DENND1A: variants seen among roughly 807,000 people sequenced by gnomAD.
DENND1A encodes the protein DENN domain-containing protein 1A.
DENND1A carries 51 observed loss-of-function variants against 113.7 expected under a neutral mutation model. That is an observed-to-expected ratio of 0.45 (90% CI 0.36 to 0.57). The LOEUF is 0.57. Among genes scored for constraint, DENND1A ranks in the 20% least tolerant of loss-of-function variants. The probability of loss-of-function intolerance (pLI) is 0.00; values close to 1 mark genes in which losing one functional copy is unlikely to be tolerated. For synonymous variants in DENND1A, 565 were observed against 570.8 expected (o/e 0.99, Z 0.14); for missense variants, 1,258 against 1,395.9 (o/e 0.90, Z 1.57).
chr9:123,632,578 C>T (rs991728992), intron 9 of DENND1A, among the ~76,000 whole-genome samples: 1 of 152,060 alleles, frequency 6.6e-6, no homozygotes, highest in Non-Finnish European at 1.5e-5. Flanking sequence ...TGCCAGAGCG[C>T]TCCTCCTCAA....
At chr9:123,906,310 G>C (rs2133965638) in intron 1 of DENND1A, among the ~76,000 whole-genome samples, 1 of 135,314 alleles carries the variant, frequency 7.4e-6, no homozygotes, top group South Asian at 2.2e-4. Flanking sequence ...AGAAAAGCAA[G>C]AGCAAACACA....
intron 1 of DENND1A, among the ~76,000 whole-genome samples, chr9:123,910,075 C>T (rs867146336): frequency 1.2e-4 from 18 of 152,050 alleles, no homozygotes; most frequent in African/African-American, 3.9e-4. Context: ...CTAGAAGACT[C>T]AATATTGTTA....
intron 12 of DENND1A, among the ~76,000 whole-genome samples, chr9:123,581,052 C>T (rs969038046): frequency 9.2e-5 from 14 of 151,926 alleles, no homozygotes; most frequent in African/African-American, 3.1e-4. Context: ...GAATGACATC[C>T]TAAACGCAGA....
chr9:123,647,621 T>C (rs1343258238), intron 9 of DENND1A, among the ~76,000 whole-genome samples: 6 of 152,248 alleles, frequency 3.9e-5, no homozygotes, highest in African/African-American at 1.2e-4. Context: ...AGATACCATT[T>C]AGTTTTTCTA....
intron 1 of DENND1A, among the ~76,000 whole-genome samples, chr9:123,891,922 C>T (rs1359836500): frequency 2.6e-5 from 4 of 152,160 alleles, no homozygotes; most frequent in African/African-American, 7.2e-5. Context: ...CAGCTCACCA[C>T]TTTGAGAGTT....
At chr9:123,531,515 A>G (rs2055295129) in intron 13 of DENND1A, among the ~76,000 whole-genome samples, 1 of 150,842 alleles carries the variant, frequency 6.6e-6, no homozygotes, top group Non-Finnish European at 1.5e-5. Flanking sequence ...TTAACAGTTT[A>G]CCACATTGGC....
At position 123,621,108 on chromosome 9, in the gene DENND1A, T is replaced by C. The variant is rs2060937750; in HGVS notation, c.719+9268A>G. On this transcript the variant is annotated intron_variant, in intron 10 of 23. Coordinates refer to ENST00000394215, the MANE Select transcript of DENND1A (RefSeq NM_001352964.2). ...CATAAGAGAATTTTGGCCACAACTA[T>C]CCATCTAATCCACTTCCATTCTGTG... 2.6e-5 allele frequency among the ~76,000 whole-genome samples: 4 copies of C among 151,876 alleles called. No individual in the cohort carries two copies. In the South Asian group the frequency reaches 8.3e-4, roughly 32 times the overall value.
At chr9:123,465,626 T>G (rs575113519) in intron 13 of DENND1A, among the ~76,000 whole-genome samples, 48 of 152,312 alleles carry the variant, frequency 3.2e-4, no homozygotes, top group African/African-American at 1.1e-3. Context: ...GGGTGGAGAT[T>G]GGGTCTTACC....
rs2071324189 is a variant in DENND1A at position 123,764,737 on chromosome 9, C to T, written c.182+4777G>A. On this transcript the variant is annotated intron_variant, in intron 4 of 23. Transcript: ENST00000394215. The surrounding 1 kb of genome is among the most constrained non-coding windows in gnomAD (Gnocchi z 4.1). ...AAAGTATCAAAAGCAGAAGGAACAG[C>T]AGAGATTGATGGAATCCAATTCCCT... is the stretch of plus-strand genomic sequence containing the variant. 6.6e-6 allele frequency among the ~76,000 whole-genome samples: 1 copy of T among 152,196 alleles called. No individual in the cohort carries two copies. Among genetic ancestry groups the T allele is most frequent in the Non-Finnish European group, 1.5e-5 (1 of 68,040 alleles).
intron 10 of DENND1A, among the ~76,000 whole-genome samples, chr9:123,626,699 GA>G (rs2061234537): frequency 6.6e-6 from 1 of 152,192 alleles, no homozygotes; most frequent in Non-Finnish European, 1.5e-5. Context: ...ATGGCAGTGA[GA>G]AGAAACCAAG....
At chr9:123,515,269 C>T (rs2134724312) in intron 13 of DENND1A, among the ~76,000 whole-genome samples, 1 of 152,314 alleles carries the variant, frequency 6.6e-6, no homozygotes, top group South Asian at 2.1e-4. Context: ...GCAAAAGTAA[C>T]TGCGATTTTT....
intron 13 of DENND1A, among the ~76,000 whole-genome samples, chr9:123,528,901 G>A (rs544561018): frequency 6.6e-6 from 1 of 152,258 alleles, no homozygotes; most frequent in South Asian, 2.1e-4. Flanking sequence ...TGAAGTAACT[G>A]TTTGCTTTCT....
intron 10 of DENND1A, among the ~76,000 whole-genome samples, chr9:123,611,121 T>C (rs1014358559): frequency 4.6e-5 from 7 of 152,362 alleles, no homozygotes; most frequent in African/African-American, 1.7e-4. Context: ...TATTTGATAA[T>C]AGCTAAAGAA....
chr9:123,563,333 C>T (rs758717948), intron 12 of DENND1A, among the ~76,000 whole-genome samples: 1 of 152,182 alleles, frequency 6.6e-6, no homozygotes, highest in Non-Finnish European at 1.5e-5. Context: ...CTCTCAGGTC[C>T]CCTGGCTTCA....
chr9:123,820,737 T>C (rs1462103004), intron 2 of DENND1A, among the ~76,000 whole-genome samples: 3 of 152,260 alleles, frequency 2.0e-5, no homozygotes, highest in African/African-American at 7.2e-5. Context: ...TCATCTTTTG[T>C]AGGATTAAAG....
At chr9:123,899,619 A>G (rs1408776751) in intron 1 of DENND1A, among the ~76,000 whole-genome samples, 1 of 152,256 alleles carries the variant, frequency 6.6e-6, no homozygotes, top group African/African-American at 2.4e-5. Flanking sequence ...TGTAAAGTTT[A>G]ATATATAAAT....
intron 6 of DENND1A, among the ~76,000 whole-genome samples, chr9:123,675,267 G>A (rs551010827): frequency 1.3e-5 from 2 of 152,124 alleles, no homozygotes; most frequent in Non-Finnish European, 2.9e-5. Flanking sequence ...ATTTCCCAAA[G>A]TGTGTTCCAG....
rs962355849 is a variant in DENND1A, at chr9:123,387,017, C to T, written c.1760+713G>A. 1.3e-4 allele frequency among the ~76,000 whole-genome samples: 20 copies of T among 152,246 alleles called. 1 individual carries two copies. The highest frequency in any genetic ancestry group is 6.5e-5 in the Admixed American group (1 of 15,290). On this transcript the variant is annotated intron_variant, in intron 22 of 23. Coordinates refer to ENST00000394215, the MANE Select transcript of DENND1A (RefSeq NM_001352964.2). ...CGGGCATCCCGCAAAGGGCAGTTTC[C>T]ATTCCCTTAAAGGCTCCCATTAAAA...
intron 5 of DENND1A, among the ~76,000 whole-genome samples, chr9:123,750,458 G>A (rs971471165): frequency 2.0e-5 from 3 of 152,188 alleles, no homozygotes; most frequent in Admixed American, 2.0e-4. Flanking sequence ...GAGGAACTCA[G>A]AAGGGCCCTG....
Sources: gnomAD v4.1 joint callset for allele counts (sites outside exome capture counted in the v4.1 genomes callset) on GRCh38, gnomAD v4.1.1 for gene constraint, Gnocchi (gnomAD v3.1) non-coding constraint, MANE v1.5 for transcripts, NCBI Gene and HGNC (gene_info 2026-07-23, HGNC 2026-07-21) for gene names.